The following NDUFA10 variants were observed in gnomAD, a reference collection of about 807,000 sequenced individuals.
NDUFA10 encodes the protein NADH:ubiquinone oxidoreductase subunit A10.
In NDUFA10, 40 loss-of-function variants were observed where a neutral mutation model predicts 47.8. That is an observed-to-expected ratio of 0.84 (90% CI 0.65 to 1.09). NDUFA10 has a LOEUF of 1.09. Ranked by LOEUF, NDUFA10 falls within the 50% of genes least tolerant of loss-of-function variation. The pLI is 0.00. For missense variants in NDUFA10, 413 were observed against 451.1 expected (o/e 0.92, Z 0.76); for synonymous variants, 183 against 172.2 (o/e 1.06, Z -0.49).
At position 239,932,077 on chromosome 2, in the gene NDUFA10, A is replaced by ACCCTCTTCGGCCT. The variant is rs201955368; in HGVS notation, c.295-36776_295-36764dup. On this transcript the variant is annotated intron_variant, in intron 4 of 5. Coordinates refer to the NDUFA10 transcript ENST00000419408. ...TCTCAATCTCCTGACCTCGTGATCC[A>ACCCTCTTCGGCCT]CCCTCTTCGGCCTCCCAAAGTGCTG... Among the ~76,000 whole-genome samples, 1,241 of 150,768 alleles carry ACCCTCTTCGGCCT rather than the reference A, an allele frequency of 8.2e-3. 13 individuals are homozygous for ACCCTCTTCGGCCT. Among genetic ancestry groups the ACCCTCTTCGGCCT allele is most frequent in the African/African-American group, 0.029 (1,193 of 40,916 alleles).
Position 239,960,564 on chromosome 2 carries a change from T to C in NDUFA10, c.*554A>G. The C allele has an allele frequency of 1.0e-6, 1 of 998,726 alleles. No homozygotes were observed. The allele number at this position is 998,726 out of a possible 1,614,324, so 61.9% of individuals were successfully genotyped here. On this transcript the variant is annotated 3_prime_UTR_variant, in exon 10 of 10. Coordinates refer to ENST00000252711, the MANE Select transcript of NDUFA10 (RefSeq NM_004544.4). ...CTATTTCTTCTTCACGTTCTTATTT[T>C]TTCTACTCTAATGTAGCACATTACT...
chr2:239,946,587 T>C (rs1694457455), intron 4 of NDUFA10, among the ~76,000 whole-genome samples: 1 of 152,186 alleles, frequency 6.6e-6, no homozygotes, highest in Non-Finnish European at 1.5e-5. Flanking sequence ...CTACACCTTC[T>C]CCAGCCCAGC....
chr2:239,935,888 A>T (rs1474483205), intron 4 of NDUFA10, among the ~76,000 whole-genome samples: 3 of 152,240 alleles, frequency 2.0e-5, no homozygotes, highest in Non-Finnish European at 4.4e-5. Context: ...TCTTTATAAA[A>T]TACCCGGTCT....
chr2:239,983,581 C>T, intron 9 of NDUFA10: 1 of 1,595,940 alleles, frequency 6.3e-7, no homozygotes, highest in East Asian at 2.3e-5. Flanking sequence ...GAGCAGCTTC[C>T]AGTGGAGACC....
chr2:240,013,168 TG>T (rs1448263776), intron 5 of NDUFA10: 1 of 152,214 alleles, frequency 6.6e-6, no homozygotes, highest in Admixed American at 6.5e-5. Flanking sequence ...AATCTAGAAA[TG>T]GTTTTCGGAT....
Position 239,898,793 on chromosome 2 carries a change from G to C in NDUFA10, c.295-3479C>G, listed in dbSNP as rs202155862. Among the ~76,000 whole-genome samples, 3 of 152,364 alleles carry C rather than the reference G, an allele frequency of 2.0e-5. No individual in the cohort carries two copies. The East Asian group carries it at 5.8e-4, about 29-fold the overall frequency. ...ACGAAGTCCTACACAGATGGGGCAA[G>C]GACCACAGAAGAATAACTGTCATCA... is the stretch of plus-strand genomic sequence containing the variant. On this transcript the variant is annotated intron_variant, in intron 4 of 5. Coordinates refer to the NDUFA10 transcript ENST00000419408.
At chr2:239,897,399 T>C (rs4583503) in intron 4 of NDUFA10, among the ~76,000 whole-genome samples, 1,864 of 150,538 alleles carry the variant, frequency 0.012, 12 homozygotes, top group Non-Finnish European at 0.019. Flanking sequence ...AGATCATACT[T>C]TTTCTTGAAG....
intron 4 of NDUFA10, among the ~76,000 whole-genome samples, chr2:239,939,379 C>A (rs2106377809): frequency 6.6e-6 from 1 of 152,360 alleles, no homozygotes; most frequent in East Asian, 1.9e-4. Flanking sequence ...AGGGGTAGAA[C>A]CACAAAGGAG....
chr2:239,912,398 G>A (rs186972300), intron 4 of NDUFA10, among the ~76,000 whole-genome samples: 1 of 152,312 alleles, frequency 6.6e-6, no homozygotes, highest in East Asian at 1.9e-4. Flanking sequence ...CCCTGCCAAC[G>A]CTGGGTCAGC....
chr2:239,964,411 T>G (rs1694979881), intron 9 of NDUFA10, among the ~76,000 whole-genome samples: 2 of 152,194 alleles, frequency 1.3e-5, no homozygotes, highest in Non-Finnish European at 2.9e-5. Flanking sequence ...CAGCCCCGCC[T>G]GCACCGTGAT....
Position 239,912,144 on chromosome 2 carries a change from C to T in NDUFA10, c.295-16830G>A, listed in dbSNP as rs913219951. 1.2e-4 allele frequency among the ~76,000 whole-genome samples: 19 copies of T among 152,278 alleles called. No homozygotes were observed. In the South Asian group the frequency reaches 3.1e-3, roughly 25 times the overall value. The stretch of plus-strand genomic sequence containing the variant: ...ACTCCTGTAGCTGGAACATTCAGGC[C>T]TCAGTCCTGAAGGAGGGTCTGGGCG... On this transcript the variant is annotated intron_variant, in intron 4 of 5. Coordinates refer to the NDUFA10 transcript ENST00000419408.
chr2:239,913,707 T>TCA (rs1693792824), intron 4 of NDUFA10, among the ~76,000 whole-genome samples: 1 of 152,196 alleles, frequency 6.6e-6, no homozygotes, highest in Non-Finnish European at 1.5e-5. Context: ...AAAATTGTAG[T>TCA]ATTCAACCAT....
chr2:239,915,577 GACAC>G (rs1290829876), intron 4 of NDUFA10, among the ~76,000 whole-genome samples: 14 of 133,978 alleles, frequency 1.0e-4, no homozygotes, highest in Admixed American at 4.5e-4. Flanking sequence ...CAAATATACA[GACAC>G]ACACACAGAG....
chr2:239,975,262 C>T (rs1695474262), intron 9 of NDUFA10, among the ~76,000 whole-genome samples: 1 of 152,222 alleles, frequency 6.6e-6, no homozygotes, highest in Non-Finnish European at 1.5e-5. Flanking sequence ...TGAGGCCTCC[C>T]CAGAAGCAGA....
chr2:239,932,954 C>T (rs138501338), intron 4 of NDUFA10, among the ~76,000 whole-genome samples: 6 of 152,288 alleles, frequency 3.9e-5, no homozygotes, highest in Non-Finnish European at 5.9e-5. Flanking sequence ...ACACTATGAG[C>T]GAGACTCCAC....
At chr2:239,935,118 G>A (rs745362851) in intron 4 of NDUFA10, among the ~76,000 whole-genome samples, 4 of 152,196 alleles carry the variant, frequency 2.6e-5, no homozygotes, top group Non-Finnish European at 5.9e-5. Context: ...CTTCCTGGCT[G>A]TCTCTCAGCG....
intron 4 of NDUFA10, among the ~76,000 whole-genome samples, chr2:239,948,115 GGCA>G (rs79882483): frequency 0.27 from 41,268 of 151,978 alleles, 6,544 homozygotes; most frequent in East Asian, 0.38. Context: ...TTCAGTTAAC[GGCA>G]GCAAGGTTCA....
At chr2:239,912,645 G>C (rs1559273798) in intron 4 of NDUFA10, among the ~76,000 whole-genome samples, 1 of 152,152 alleles carries the variant, frequency 6.6e-6, no homozygotes, top group East Asian at 1.9e-4. Flanking sequence ...GGCAGTAGGT[G>C]GATCAGCCTC....
intron 9 of NDUFA10, chr2:239,969,541 G>A (rs1461585768): frequency 4.9e-6 from 2 of 406,212 alleles, no homozygotes; most frequent in African/African-American, 2.1e-5. Context: ...AGCTGTTCCT[G>A]TGGACATGGG....
Sources: allele counts gnomAD v4.1 joint callset (sites outside exome capture counted in the v4.1 genomes callset), GRCh38; gene constraint gnomAD v4.1.1; transcripts MANE v1.5; gene names NCBI Gene and HGNC (gene_info 2026-07-23, HGNC 2026-07-21).